The following OC90 variants were observed in gnomAD, a reference collection of about 807,000 sequenced individuals.
The protein encoded by OC90 is otoconin 90.
Under a neutral mutation model 47.3 loss-of-function variants are expected in OC90, and 46 were observed. The ratio of observed to expected loss-of-function variants is 0.97; its 90% CI spans 0.77 to 1.24. OC90 has a LOEUF of 1.24. Among genes scored for constraint, OC90 ranks in the 50% most tolerant of loss-of-function variants. OC90 has a pLI of 0.00. For synonymous variants in OC90, 271 were observed against 219.5 expected (o/e 1.23, Z -2.07); for missense variants, 688 against 583.9 (o/e 1.18, Z -1.84).
At chr8:132,045,147 T>C (rs759703357) in intron 3 of OC90, among the ~76,000 whole-genome samples, 14 of 152,238 alleles carry the variant, frequency 9.2e-5, no homozygotes, top group South Asian at 2.1e-4. Flanking sequence ...GGCATTGCAC[T>C]TCCTCTAGAA....
chr8:132,034,812 T>C lies in OC90; in HGVS notation c.702A>G (p.Gly234=). 6.2e-7 allele frequency: 1 copy of C among 1,612,938 alleles called. No individual in the cohort carries two copies. Among genetic ancestry groups the C allele is most frequent in the Non-Finnish European group, 8.5e-7 (1 of 1,179,236 alleles). ...GGGACGTAGCCCTAGCAGCTCCCAC[T>C]CCTTCCTGATCGTGGCCTGCTTCTG... is the stretch of plus-strand genomic sequence containing the variant. ...SGEEAGHDQE[G]VGAARATSPP... is the part of the protein sequence containing the mutation. Residue 234 remains glycine, a synonymous_variant, in exon 10 of 14, where the codon GGA becomes GGG. Transcript: ENST00000254627.
intron 6 of OC90, 115 bp from the exon 7 acceptor site, chr8:132,039,238 G>A: frequency 9.1e-7 from 1 of 1,098,284 alleles, no homozygotes; most frequent in Admixed American, 2.0e-5. Context: ...CACTCCCCTT[G>A]CAATCTCCAT....
chr8:132,047,307 T>C (rs1217332471), intron 2 of OC90, among the ~76,000 whole-genome samples: 1 of 144,262 alleles, frequency 6.9e-6, no homozygotes. Context: ...TTAATGCGTA[T>C]TTTTAAGTCA....
At chr8:132,058,174 G>C (rs1489880232) in intron 1 of OC90, among the ~76,000 whole-genome samples, 1 of 152,172 alleles carries the variant, frequency 6.6e-6, no homozygotes, top group Non-Finnish European at 1.5e-5. Context: ...GGTCAGCCCT[G>C]GGCAACAGTG....
At chr8:132,046,747 G>A (rs182000760) in intron 2 of OC90, among the ~76,000 whole-genome samples, 51 of 152,254 alleles carry the variant, frequency 3.3e-4, no homozygotes, top group Middle Eastern at 6.8e-3. Flanking sequence ...GTCTTTCTTC[G>A]TCAAGTGGAG....
intron 9 of OC90, chr8:132,036,394 C>G (rs763185768): frequency 1.3e-6 from 1 of 780,842 alleles, no homozygotes; most frequent in Admixed American, 1.7e-5. Flanking sequence ...AGTGATCAGT[C>G]TGTCAGCCTC....
intron 13 of OC90, among the ~76,000 whole-genome samples, chr8:132,028,706 CAG>C: frequency 8.9e-6 from 1 of 112,974 alleles, no homozygotes; most frequent in Non-Finnish European, 1.9e-5. Context: ...GAAAGAGAGA[CAG>C]AAAGAAAGAA....
At chr8:132,024,975 A>G (rs532708307) in intron 13 of OC90, among the ~76,000 whole-genome samples, 199 bp from the exon 14 acceptor site, 19 of 152,286 alleles carry the variant, frequency 1.2e-4, no homozygotes, top group African/African-American at 4.1e-4. Flanking sequence ...AATGCTGTCA[A>G]TGCTCTCAAC....
intron 4 of OC90, 28 bp downstream of exon 4, chr8:132,044,405 G>A: frequency 7.3e-7 from 1 of 1,363,208 alleles, no homozygotes; most frequent in Non-Finnish European, 1.0e-6. Context: ...ACCTCTGGTG[G>A]ATAAAAGCAA....
intron 2 of OC90, 139 bp from the exon 3 acceptor site, chr8:132,046,022 C>T: frequency 1.6e-6 from 1 of 639,818 alleles, no homozygotes; most frequent in Non-Finnish European, 2.8e-6. Context: ...CTAGAGCCTG[C>T]TATGCACTAG....
At chr8:132,044,686 G>A (rs924129180) in intron 3 of OC90, among the ~76,000 whole-genome samples, 197 bp from the exon 4 acceptor site, 1 of 152,072 alleles carries the variant, frequency 6.6e-6, no homozygotes, top group East Asian at 1.9e-4. Context: ...TCCATTACTG[G>A]GTAGCATTGC....
chr8:132,034,343 A>G (rs1485281301), intron 10 of OC90, among the ~76,000 whole-genome samples: 1 of 152,214 alleles, frequency 6.6e-6, no homozygotes, highest in East Asian at 1.9e-4. Context: ...ATGCCTAGCA[A>G]TTAGGAAATA....
intron 2 of OC90, among the ~76,000 whole-genome samples, chr8:132,053,358 C>A (rs571698741): frequency 3.3e-5 from 5 of 152,096 alleles, no homozygotes; most frequent in Non-Finnish European, 7.3e-5. Flanking sequence ...TTACATTATA[C>A]ATATATAACA....
rs763241866 is a variant in OC90, at chr8:132,039,032, G to C, written c.549C>G (p.Asn183Lys). 8.3e-5 allele frequency: 134 copies of C among 1,613,858 alleles called. 1 individual carries two copies. Among genetic ancestry groups the C allele is most frequent in the Admixed American group, 3.5e-4 (21 of 60,002 alleles). Residue 183 changes from asparagine to lysine, a missense_variant, in exon 7 of 14, where the codon AAC becomes AAG. Transcript: ENST00000254627. ...LARSSLNSSLNLLDTSFCLAQ... is the reference protein window; with the variant it reads ...LARSSLNSSLKLLDTSFCLAQ... The stretch of plus-strand genomic sequence containing the variant: ...CCAGGCAGAAGGAGGTGTCCAGAAG[G>C]TTCAGGGAAGAGTTGAGGCTGGATC...
intron 2 of OC90, among the ~76,000 whole-genome samples, chr8:132,048,956 G>A (rs918430831): frequency 1.3e-5 from 2 of 151,602 alleles, no homozygotes; most frequent in African/African-American, 2.4e-5. Flanking sequence ...TTGGGAGCCT[G>A]CTCTTCCACC....
rs74828325 is a variant in OC90, at chr8:132,024,528, G to T, written c.1387C>A (p.Arg463=). The change falls in exon 14 of 14, where the codon CGG becomes AGG. Residue 463 remains arginine (R), a synonymous_variant. Transcript: ENST00000254627. ...ATCCCCAAGGGACCCAGTGACTTCC[G>T]CAGAAACCTCTTGGCTCTGCCGAGG... ...EDLGRAKRFL[R]KSLGPLGIGP... 6.3e-7 allele frequency: 1 copy of T among 1,595,556 alleles called. No homozygotes were observed. The highest frequency in any genetic ancestry group is 8.6e-7 in the Non-Finnish European group (1 of 1,167,954).
chr8:132,028,563 A>AAAGAAAGAAAGAAAGG (rs1354516292), intron 13 of OC90, among the ~76,000 whole-genome samples: 641 of 30,968 alleles, frequency 0.021, 1 homozygote, highest in Middle Eastern at 0.026. Context: ...AGAAAGAAAG[A>AAAGAAAGAAAGAAAGG]AAGGAAGGAA....
At chr8:132,035,097 C>T (rs1037572651) in intron 9 of OC90, among the ~76,000 whole-genome samples, 4 of 152,190 alleles carry the variant, frequency 2.6e-5, no homozygotes, top group Admixed American at 6.5e-5. Flanking sequence ...AGTGCAAATA[C>T]TTTGGGAATG....
At chr8:132,057,441 T>TTTTGGCTATGCTC (rs1823291707) in intron 1 of OC90, among the ~76,000 whole-genome samples, 1 of 152,246 alleles carries the variant, frequency 6.6e-6, no homozygotes, top group Non-Finnish European at 1.5e-5. Context: ...AATGACTTTA[T>TTTTGGCTATGCTC]TAGAGACATA....
Sources: allele counts gnomAD v4.1 joint callset (sites outside exome capture counted in the v4.1 genomes callset), GRCh38; gene constraint gnomAD v4.1.1; transcripts MANE v1.5; gene names NCBI Gene and HGNC (gene_info 2026-07-23, HGNC 2026-07-21).